Variants in PPFIA2 observed in about 807,000 individuals in gnomAD.
The protein encoded by PPFIA2 is PPFI scaffold protein A2, also known as liprin-alpha-2.
Under a neutral mutation model 175.5 loss-of-function variants are expected in PPFIA2, and 46 were observed. The ratio of observed to expected loss-of-function variants is 0.26; its 90% CI spans 0.21 to 0.34. The LOEUF (loss-of-function observed/expected upper bound fraction) is 0.34, where lower values mean the gene tolerates loss of function less well. Ranked by LOEUF, PPFIA2 falls within the 10% of genes least tolerant of loss-of-function variation. The probability of loss-of-function intolerance (pLI) is 1.00; values close to 1 mark genes in which losing one functional copy is unlikely to be tolerated. For missense variants in PPFIA2, 1,179 were observed against 1,506.1 expected (o/e 0.78, Z 3.60); for synonymous variants, 568 against 511.4 (o/e 1.11, Z -1.49).
chr12:81,613,165 A>G (rs1421658635), intron 4 of PPFIA2, among the ~76,000 whole-genome samples: 2 of 152,184 alleles, frequency 1.3e-5, no homozygotes, highest in Non-Finnish European at 2.9e-5. Flanking sequence ...AACTAGTTTT[A>G]TAGAAATTAC....
intron 4 of PPFIA2, among the ~76,000 whole-genome samples, chr12:81,584,446 TAA>T (rs1413390765): frequency 6.6e-6 from 1 of 151,712 alleles, no homozygotes; most frequent in South Asian, 2.1e-4. Context: ...TGGATCATCT[TAA>T]AAAGAGCAGA....
At chr12:81,709,287 T>C (rs1352964325) in intron 3 of PPFIA2, among the ~76,000 whole-genome samples, 1 of 152,158 alleles carries the variant, frequency 6.6e-6, no homozygotes, top group Non-Finnish European at 1.5e-5. Context: ...AGTTTTCTTT[T>C]AAAGTGCTCA....
At chr12:81,734,702 T>C (rs1417873172) in intron 3 of PPFIA2, among the ~76,000 whole-genome samples, 2 of 151,812 alleles carry the variant, frequency 1.3e-5, no homozygotes, top group Non-Finnish European at 2.9e-5. Context: ...AATTTACATA[T>C]CACAAAATTC....
intron 28 of PPFIA2, among the ~76,000 whole-genome samples, chr12:81,276,842 T>A (rs1009407808): frequency 6.6e-6 from 1 of 152,166 alleles, no homozygotes; most frequent in Non-Finnish European, 1.5e-5. Context: ...AATCCTTATA[T>A]CATTCCTGCA....
At chr12:81,615,540 T>C (rs1038431253) in intron 4 of PPFIA2, among the ~76,000 whole-genome samples, 1 of 152,086 alleles carries the variant, frequency 6.6e-6, no homozygotes, top group Non-Finnish European at 1.5e-5. Flanking sequence ...TTGCTAACAT[T>C]GGAGGAAGAC....
In PPFIA2 at chr12:81,457,826, T is replaced by C; in HGVS notation, c.344A>G (p.Glu115Gly). 2 of 1,610,772 alleles carry C rather than the reference T, an allele frequency of 1.2e-6. No homozygotes were observed. Among genetic ancestry groups the C allele is most frequent in the East Asian group, 2.2e-5 (1 of 44,704 alleles). ...ALTKELNACR[E>G]QLLEKEEEIS... ...TTCTTCTTCCTTTTCTAGAAGTTGT[T>C]CCCTGCAGGCATTTAATTCTTTTGT... The change falls in exon 5 of 33, where the codon GAA (glutamate) becomes GGA (glycine). Residue 115 changes from glutamate to glycine, a missense_variant. Physicochemically the swap from Glu to Gly is moderately conservative, Grantham distance 98. This residue lies in a region of PPFIA2 where 128 missense variants were observed against 141.4 expected (regional missense o/e 0.91). Coordinates refer to ENST00000549396, the MANE Select transcript of PPFIA2 (RefSeq NM_003625.5).
At chr12:81,497,014 T>C (rs916955520) in intron 4 of PPFIA2, among the ~76,000 whole-genome samples, 1 of 152,126 alleles carries the variant, frequency 6.6e-6, no homozygotes, top group Admixed American at 6.5e-5. Context: ...GGGTTTACAA[T>C]TTTTTTAAGT....
chr12:81,484,831 T>C (rs2058645687), intron 4 of PPFIA2, among the ~76,000 whole-genome samples: 1 of 151,966 alleles, frequency 6.6e-6, no homozygotes, highest in South Asian at 2.1e-4. Context: ...GATTTTCATA[T>C]AACTAATTTT....
At chr12:81,503,156 C>G (rs544794192) in intron 4 of PPFIA2, among the ~76,000 whole-genome samples, 1 of 152,300 alleles carries the variant, frequency 6.6e-6, no homozygotes, top group Admixed American at 6.5e-5. Context: ...CCCACTGCCA[C>G]TGCCCTGGTC....
At chr12:81,260,056 T>TGTTATTATC (rs1168587123) in intron 32 of PPFIA2, 6 of 157,850 alleles carry the variant, frequency 3.8e-5, no homozygotes, top group African/African-American at 1.4e-4. Flanking sequence ...TACCTTTATT[T>TGTTATTATC]GTTACAAAAA....
At chr12:81,647,557 C>T (rs543849191) in intron 4 of PPFIA2, among the ~76,000 whole-genome samples, 1 of 151,460 alleles carries the variant, frequency 6.6e-6, no homozygotes, top group Non-Finnish European at 1.5e-5. Flanking sequence ...GTCAGGAGAT[C>T]GAGACCATCC....
chr12:81,389,387 C>A (rs992817855), intron 8 of PPFIA2, among the ~76,000 whole-genome samples: 11 of 151,492 alleles, frequency 7.3e-5, no homozygotes, highest in Non-Finnish European at 1.6e-4. Context: ...AGATAGTAAT[C>A]AGGCAATTAA....
chr12:81,725,830 TA>T (rs1202212920), intron 3 of PPFIA2, among the ~76,000 whole-genome samples: 3 of 150,764 alleles, frequency 2.0e-5, no homozygotes, highest in Non-Finnish European at 3.0e-5. Context: ...AGGTAAATAA[TA>T]GATACCATAA....
intron 22 of PPFIA2, among the ~76,000 whole-genome samples, 155 bp from the exon 23 acceptor site, chr12:81,299,537 C>A (rs1185339197): frequency 6.6e-6 from 1 of 152,064 alleles, no homozygotes; most frequent in Non-Finnish European, 1.5e-5. Context: ...TTGAGTAACA[C>A]ACACACATCA....
chr12:81,523,555 T>C (rs1311070917), intron 4 of PPFIA2, among the ~76,000 whole-genome samples: 1 of 152,168 alleles, frequency 6.6e-6, no homozygotes, highest in African/African-American at 2.4e-5. Flanking sequence ...GAATACTCCA[T>C]CCTTTTTTTC....
intron 4 of PPFIA2, among the ~76,000 whole-genome samples, chr12:81,465,692 C>T (rs1245122584): frequency 6.6e-6 from 1 of 152,016 alleles, no homozygotes; most frequent in East Asian, 1.9e-4. Flanking sequence ...GTATGTTTTT[C>T]CCCAAACCAC....
intron 4 of PPFIA2, among the ~76,000 whole-genome samples, chr12:81,477,218 A>C (rs567544916): frequency 1.1e-4 from 16 of 152,112 alleles, no homozygotes; most frequent in Non-Finnish European, 1.9e-4. Flanking sequence ...TTAAAATAAA[A>C]TTTAAAAAAA....
intron 3 of PPFIA2, among the ~76,000 whole-genome samples, chr12:81,701,501 C>T (rs2076474646): frequency 6.6e-6 from 1 of 152,040 alleles, no homozygotes; most frequent in East Asian, 1.9e-4. Context: ...GGGTTAGAGC[C>T]TGGGCTTTGT....
At chr12:81,538,625 T>C (rs2065756741) in intron 4 of PPFIA2, among the ~76,000 whole-genome samples, 1 of 151,780 alleles carries the variant, frequency 6.6e-6, no homozygotes, top group African/African-American at 2.4e-5. Flanking sequence ...GAAGTGAACA[T>C]GTGGATATCA....
Sources: allele counts gnomAD v4.1 joint callset (sites outside exome capture counted in the v4.1 genomes callset), GRCh38; gene constraint gnomAD v4.1.1; regional missense constraint gnomAD v4.1.1; transcripts MANE v1.5; gene names NCBI Gene and HGNC (gene_info 2026-07-23, HGNC 2026-07-21).